The following TENM3 variants were observed in gnomAD, a reference collection of about 807,000 sequenced individuals.
The protein encoded by TENM3 is teneurin transmembrane protein 3.
In TENM3, 63 loss-of-function variants were observed where a neutral mutation model predicts 255.1. The ratio of observed to expected loss-of-function variants is 0.25; its 90% CI spans 0.20 to 0.30. The LOEUF (loss-of-function observed/expected upper bound fraction) is 0.30, where lower values mean the gene tolerates loss of function less well. Among genes scored for constraint, TENM3 ranks in the 10% least tolerant of loss-of-function variants. The probability of loss-of-function intolerance (pLI) is 1.00; values close to 1 mark genes in which losing one functional copy is unlikely to be tolerated. For synonymous variants in TENM3, 1,306 were observed against 1,322.3 expected, an observed-to-expected ratio of 0.99 and a Z score of 0.27; for missense variants, 2,929 against 3,461.1, an observed-to-expected ratio of 0.85 and a Z score of 3.86.
intron 3 of TENM3, among the ~76,000 whole-genome samples, chr4:182,417,253 G>A (rs1013832842): frequency 7.9e-5 from 12 of 152,086 alleles, no homozygotes; most frequent in African/African-American, 2.9e-4. Context: ...TGGGATTACA[G>A]GCGTGAGCCA....
At chr4:181,841,951 G>A in the TENM3 span, among the ~76,000 whole-genome samples, 74 of 152,258 alleles carry the variant, frequency 4.9e-4, 1 homozygote, top group Non-Finnish European at 1.0e-3. Flanking sequence ...GAGTTTTATA[G>A]ATAAAGTGGC....
the TENM3 span, among the ~76,000 whole-genome samples, chr4:182,059,650 T>C: frequency 6.7e-6 from 1 of 149,048 alleles, no homozygotes; most frequent in Non-Finnish European, 1.5e-5. Context: ...GGCTCATGCC[T>C]GTAATCCCAA....
chr4:182,394,197 C>A (rs191725473), intron 3 of TENM3, among the ~76,000 whole-genome samples: 1 of 152,260 alleles, frequency 6.6e-6, no homozygotes, highest in Admixed American at 6.5e-5. Context: ...CCACTGGTTT[C>A]TTTTGCTGCC....
intron 3 of TENM3, among the ~76,000 whole-genome samples, chr4:182,394,180 G>T (rs1768639020): frequency 6.6e-6 from 1 of 152,142 alleles, no homozygotes; most frequent in African/African-American, 2.4e-5. Context: ...ACTGCTCGTG[G>T]AACAACCCAC....
At chr4:182,301,021 A>T (rs1350178872) in intron 1 of TENM3, among the ~76,000 whole-genome samples, 1 of 152,226 alleles carries the variant, frequency 6.6e-6, no homozygotes, top group Non-Finnish European at 1.5e-5. Flanking sequence ...CTCTCCTTTA[A>T]AAAGAAAAAT....
chr4:182,685,227 T>C (rs1283716598), intron 11 of TENM3, among the ~76,000 whole-genome samples: 2 of 152,064 alleles, frequency 1.3e-5, no homozygotes, highest in African/African-American at 4.8e-5. Flanking sequence ...CCTTCCTCCT[T>C]CTCTTCTTCC....
intron 1 of TENM3, among the ~76,000 whole-genome samples, chr4:182,256,928 T>C (rs1193256483): frequency 6.6e-6 from 1 of 150,890 alleles, no homozygotes; most frequent in East Asian, 1.9e-4. Flanking sequence ...AAAAAAACGG[T>C]ACCCGGAGTG....
intron 3 of TENM3, among the ~76,000 whole-genome samples, chr4:182,436,314 T>C (rs1772044040): frequency 6.6e-6 from 1 of 152,174 alleles, no homozygotes; most frequent in Non-Finnish European, 1.5e-5. Context: ...GAGAACATCA[T>C]GGAAGGGGCA....
chr4:182,366,807 A>T lies in TENM3; in HGVS notation c.511+19878A>T, dbSNP rs148363503. On this transcript the variant is annotated intron_variant, in intron 3 of 27. Coordinates refer to ENST00000511685, the MANE Select transcript of TENM3 (RefSeq NM_001080477.4). ...AAAAAAAATGTAATAGTGGAAAAGCAGACTTAAAGAAGCTTATGGAAGTTA... is the reference window on the plus strand; with the variant it reads ...AAAAAAAATGTAATAGTGGAAAAGCTGACTTAAAGAAGCTTATGGAAGTTA... Among the ~76,000 whole-genome samples, 451 of 152,322 alleles carry T rather than the reference A, an allele frequency of 3.0e-3. 2 individuals carry two copies. The highest frequency in any genetic ancestry group is 0.01 in the African/African-American group (431 of 41,564).
the TENM3 span, among the ~76,000 whole-genome samples, chr4:181,844,310 G>A: frequency 6.6e-6 from 1 of 152,078 alleles, no homozygotes; most frequent in African/African-American, 2.4e-5. Flanking sequence ...AATACGCTGT[G>A]GGAGAACACC....
intron 3 of TENM3, among the ~76,000 whole-genome samples, chr4:182,426,030 A>T (rs909068564): frequency 7.5e-6 from 1 of 132,946 alleles, no homozygotes; most frequent in East Asian, 2.3e-4. Flanking sequence ...AAAAAAAAAA[A>T]CACTCGAAGT....
chr4:181,464,188 A>G, the TENM3 span, among the ~76,000 whole-genome samples: 15 of 152,210 alleles, frequency 9.9e-5, no homozygotes, highest in Non-Finnish European at 2.2e-4. Flanking sequence ...TTACTGACTC[A>G]CGTGGCAAAT....
chr4:182,044,926 G>A, the TENM3 span, among the ~76,000 whole-genome samples: 12 of 152,176 alleles, frequency 7.9e-5, no homozygotes, highest in Non-Finnish European at 1.6e-4. Flanking sequence ...AGAAGTGGAC[G>A]AGATGAAAGA....
chr4:182,280,150 C>A (rs1006566748), intron 1 of TENM3, among the ~76,000 whole-genome samples: 2 of 152,304 alleles, frequency 1.3e-5, no homozygotes, highest in South Asian at 4.1e-4. Context: ...AAACTCCTGT[C>A]CTTTAAATGA....
the TENM3 span, among the ~76,000 whole-genome samples, chr4:181,785,329 T>C: frequency 2.6e-5 from 4 of 152,138 alleles, no homozygotes; most frequent in Non-Finnish European, 4.4e-5. Flanking sequence ...TTCAGGCCTG[T>C]GGTCGGAGCG....
intron 1 of TENM3, among the ~76,000 whole-genome samples, chr4:182,296,294 ATAT>A (rs1209208251): frequency 9.2e-5 from 14 of 152,190 alleles, no homozygotes; most frequent in Admixed American, 9.2e-4. Context: ...TTTTACTCCA[ATAT>A]ACTTGTTTCA....
the TENM3 span, among the ~76,000 whole-genome samples, chr4:181,622,155 G>A: frequency 6.6e-6 from 1 of 152,116 alleles, no homozygotes. Context: ...TCAGTCCTGA[G>A]ATGTCCTACA....
At chr4:181,605,824 A>G in the TENM3 span, among the ~76,000 whole-genome samples, 1 of 152,172 alleles carries the variant, frequency 6.6e-6, no homozygotes, top group Non-Finnish European at 1.5e-5. Flanking sequence ...AGCAGTTAAA[A>G]TCTTTTGATA....
At chr4:181,910,338 G>T in the TENM3 span, among the ~76,000 whole-genome samples, 1 of 151,882 alleles carries the variant, frequency 6.6e-6, no homozygotes, top group Non-Finnish European at 1.5e-5. Context: ...AGGCTGAGGA[G>T]GACAGATCAC....
Sources: allele counts gnomAD v4.1 joint callset (sites outside exome capture counted in the v4.1 genomes callset), GRCh38; gene constraint gnomAD v4.1.1; transcripts MANE v1.5; gene names NCBI Gene and HGNC (gene_info 2026-07-23, HGNC 2026-07-21).